The following ATXN7L1 variants were observed in gnomAD, a reference collection of about 807,000 sequenced individuals.
ATXN7L1 encodes ataxin-7-like protein 1.
A neutral mutation model predicts 70.8 loss-of-function variants in ATXN7L1; 15 were observed. That is an observed-to-expected ratio of 0.21 (90% CI 0.14 to 0.33). ATXN7L1 has a LOEUF of 0.33. ATXN7L1 is among the 10% of genes least tolerant of loss of function. ATXN7L1 has a pLI of 1.00. For synonymous variants in ATXN7L1, 440 were observed against 445.1 expected (o/e 0.99, Z 0.14); for missense variants, 975 against 1,097.1 (o/e 0.89, Z 1.57).
chr7:105,729,832 G>C (rs1796332495), intron 3 of ATXN7L1, among the ~76,000 whole-genome samples: 1 of 151,860 alleles, frequency 6.6e-6, no homozygotes, highest in South Asian at 2.1e-4. Context: ...CTGCCTCCCG[G>C]GTTCACGCCA....
chr7:105,709,584 C>G (rs4730102), intron 3 of ATXN7L1, among the ~76,000 whole-genome samples: 32,442 of 151,994 alleles, frequency 0.21, 4,248 homozygotes, highest in African/African-American at 0.38. Context: ...TACCAGACAA[C>G]TAAAGACAGG....
At chr7:105,823,311 A>G (rs1810415767) in intron 2 of ATXN7L1, among the ~76,000 whole-genome samples, 1 of 152,202 alleles carries the variant, frequency 6.6e-6, no homozygotes, top group African/African-American at 2.4e-5. Context: ...CCCAGCTCAT[A>G]CAGCAGAGGC....
At chr7:105,727,144 A>G (rs910162840) in intron 3 of ATXN7L1, among the ~76,000 whole-genome samples, 6 of 152,198 alleles carry the variant, frequency 3.9e-5, no homozygotes, top group Non-Finnish European at 7.3e-5. Context: ...AGTAGTTGTT[A>G]AAACTGAAAT....
rs565595198 is a variant in ATXN7L1, at chr7:105,863,807, C to A, written c.250+12005G>T. ...GCGAACATGCACATTTAGCCCTGTGCCTGGCACCTAGTTAATGCCCAATAA... is the reference window on the plus strand; with the variant it reads ...GCGAACATGCACATTTAGCCCTGTGACTGGCACCTAGTTAATGCCCAATAA... On this transcript the variant is annotated intron_variant, in intron 2 of 11. Transcript: ENST00000419735. 4.6e-5 allele frequency among the ~76,000 whole-genome samples: 7 copies of A among 152,254 alleles called. No individual in the cohort carries two copies. The South Asian group carries it at 1.4e-3, about 32-fold the overall frequency.
At chr7:105,781,774 AAC>A (rs1803567508) in intron 3 of ATXN7L1, among the ~76,000 whole-genome samples, 1 of 152,222 alleles carries the variant, frequency 6.6e-6, no homozygotes, top group African/African-American at 2.4e-5. Context: ...CGGAAACAGA[AAC>A]ACAGAGGCAA....
At chr7:105,773,052 C>T (rs756990597) in intron 3 of ATXN7L1, among the ~76,000 whole-genome samples, 1 of 152,220 alleles carries the variant, frequency 6.6e-6, no homozygotes, top group Non-Finnish European at 1.5e-5. Flanking sequence ...TAAGGCCACT[C>T]CCTCACCATC....
At chr7:105,734,673 T>G (rs974829613) in intron 3 of ATXN7L1, among the ~76,000 whole-genome samples, 2 of 151,972 alleles carry the variant, frequency 1.3e-5, no homozygotes, top group African/African-American at 4.8e-5. Flanking sequence ...CTTTGGAGTT[T>G]CTTACGTGAT....
intron 3 of ATXN7L1, among the ~76,000 whole-genome samples, chr7:105,696,250 A>T (rs1178833192): frequency 6.6e-6 from 1 of 152,194 alleles, no homozygotes; most frequent in African/African-American, 2.4e-5. Flanking sequence ...CGGGAGGTAT[A>T]TGTAGTGCTT....
At chr7:105,827,677 C>A (rs1208033425) in intron 2 of ATXN7L1, among the ~76,000 whole-genome samples, 1 of 152,170 alleles carries the variant, frequency 6.6e-6, no homozygotes, top group Non-Finnish European at 1.5e-5. Context: ...GGAAGCAATT[C>A]TCCGTGTACA....
At chr7:105,655,394 G>A (rs1427841685) in intron 4 of ATXN7L1, among the ~76,000 whole-genome samples, 1 of 152,188 alleles carries the variant, frequency 6.6e-6, no homozygotes, top group Non-Finnish European at 1.5e-5. Context: ...ACAAGTGGGA[G>A]CCATCAAAGA....
intron 3 of ATXN7L1, among the ~76,000 whole-genome samples, chr7:105,674,683 T>C (rs1190046678): frequency 6.6e-6 from 1 of 152,246 alleles, no homozygotes; most frequent in East Asian, 1.9e-4. Flanking sequence ...TACAAGGGCA[T>C]TTCCCATTCC....
At chr7:105,658,965 C>T (rs899082038) in intron 4 of ATXN7L1, among the ~76,000 whole-genome samples, 2 of 152,146 alleles carry the variant, frequency 1.3e-5, no homozygotes, top group Non-Finnish European at 2.9e-5. Flanking sequence ...GGTGAAACCC[C>T]GTCTCTACTG....
intron 3 of ATXN7L1, among the ~76,000 whole-genome samples, chr7:105,750,935 T>C (rs191174799): frequency 1.1e-4 from 17 of 152,346 alleles, no homozygotes; most frequent in African/African-American, 3.6e-4. Context: ...GCTTCTCTCA[T>C]AGCTCCTGCA....
At chr7:105,670,630 A>C (rs991328698) in intron 3 of ATXN7L1, among the ~76,000 whole-genome samples, 3 of 150,678 alleles carry the variant, frequency 2.0e-5, no homozygotes, top group Non-Finnish European at 4.4e-5. Context: ...TTATTTAGCT[A>C]CTCTCTTGCT....
At chr7:105,802,703 C>G (rs1353841811) in intron 2 of ATXN7L1, among the ~76,000 whole-genome samples, 1 of 152,242 alleles carries the variant, frequency 6.6e-6, no homozygotes, top group Non-Finnish European at 1.5e-5. Flanking sequence ...TGTAACACCA[C>G]CAGCCCAGCC....
chr7:105,672,445 G>A (rs1304137303), intron 3 of ATXN7L1, among the ~76,000 whole-genome samples: 1 of 152,138 alleles, frequency 6.6e-6, no homozygotes. Context: ...ATTTTAAACT[G>A]TTAGGTAATA....
intron 3 of ATXN7L1, among the ~76,000 whole-genome samples, chr7:105,691,182 G>T (rs532757433): frequency 1.3e-5 from 2 of 152,204 alleles, no homozygotes; most frequent in Non-Finnish European, 2.9e-5. Flanking sequence ...CAAAACAACC[G>T]CTGTAAACTC....
intron 3 of ATXN7L1, among the ~76,000 whole-genome samples, chr7:105,714,289 A>G (rs957708766): frequency 7.9e-5 from 12 of 152,224 alleles, no homozygotes; most frequent in Admixed American, 5.2e-4. Flanking sequence ...TGGAGCCCAC[A>G]GCTCTGGATC....
intron 3 of ATXN7L1, among the ~76,000 whole-genome samples, chr7:105,725,510 G>C (rs1363286858): frequency 1.3e-5 from 2 of 151,984 alleles, no homozygotes; most frequent in Admixed American, 1.3e-4. Context: ...TTGGCAGGTA[G>C]AGCTCTCTTT....
Sources: allele counts gnomAD v4.1 joint callset (sites outside exome capture counted in the v4.1 genomes callset), GRCh38; gene constraint gnomAD v4.1.1; transcripts MANE v1.5; gene names NCBI Gene and HGNC (gene_info 2026-07-23, HGNC 2026-07-21).